STK11IP: variants seen among roughly 807,000 people sequenced by gnomAD.
The protein encoded by STK11IP is serine/threonine kinase 11 interacting protein.
STK11IP carries 103 observed loss-of-function variants against 131.7 expected under a neutral mutation model. The ratio of observed to expected loss-of-function variants is 0.78; its 90% CI spans 0.67 to 0.92. The LOEUF (loss-of-function observed/expected upper bound fraction) is 0.92. STK11IP is among the 40% of genes least tolerant of loss of function. STK11IP has a pLI of 0.00. For synonymous variants in STK11IP, 557 were observed against 575.6 expected (o/e 0.97, Z 0.46); for missense variants, 1,315 against 1,385.7 (o/e 0.95, Z 0.81).
chr2:219,597,907 C>G lies in STK11IP; in HGVS notation c.-43C>G, dbSNP rs974359247. ...CCGGGCAGCTGAGCTGGTAGGAGGA[C>G]CAGACGGGGAGGTTCGGTATGTCTG... On this transcript the variant is annotated 5_prime_UTR_variant, in exon 1 of 25. Transcript: ENST00000456909. 5.0e-6 allele frequency: 8 copies of G among 1,611,450 alleles called. No homozygotes were observed. The highest frequency in any genetic ancestry group is 1.3e-5 in the African/African-American group (1 of 74,822).
At chr2:219,602,411 C>A in intron 5 of STK11IP, 57 bp from the exon 6 acceptor site, 1 of 1,345,200 alleles carries the variant, frequency 7.4e-7, no homozygotes, top group Non-Finnish European at 1.1e-6. Flanking sequence ...AGAGCTTGGC[C>A]TTGGCATAGG....
chr2:219,611,266 A>G (rs1199647099), intron 17 of STK11IP, among the ~76,000 whole-genome samples: 1 of 152,102 alleles, frequency 6.6e-6, no homozygotes, highest in African/African-American at 2.4e-5. Context: ...TTGCTAGGAG[A>G]GCCCTGAAGT....
rs1457952408 is a variant in STK11IP, at chr2:219,598,093, G to C, written c.-26-1G>C. 1.9e-6 allele frequency: 3 copies of C among 1,582,080 alleles called. No individual in the cohort carries two copies. The highest frequency in any genetic ancestry group is 2.6e-6 in the Non-Finnish European group (3 of 1,165,362). On this transcript the variant is annotated splice_acceptor_variant, in intron 1 of 24. Transcript: ENST00000456909. LOFTEE classifies it low-confidence loss of function (5UTR_SPLICE). The stretch of plus-strand genomic sequence containing the variant: ...CTTCCGCTTCCTCTTTCCCCCCCCA[G>C]GCTCCGCCCCCCAGCGTCCCGTGGC...
At chr2:219,612,988 G>A in intron 19 of STK11IP, 140 bp from the exon 20 acceptor site, 3 of 637,700 alleles carry the variant, frequency 4.7e-6, no homozygotes, top group Non-Finnish European at 5.7e-6. Context: ...GCTGTCGAGT[G>A]TGAGGGAAGC....
In STK11IP at chr2:219,606,818, C is replaced by T; in HGVS notation, c.1094C>T (p.Ser365Leu). Residue 365 changes from serine (S) to leucine (L), a missense_variant, in exon 12 of 25, where the codon TCA becomes TTA. Coordinates refer to ENST00000456909, the MANE Select transcript of STK11IP (RefSeq NM_052902.4). ...GGPDLSDSLS[S>L]GGVVTQPLLH... ...CCTGACCTGAGTGACAGCCTCTCCT[C>T]AGGGGGTGTTGTGACCCAGCCCCTG... 5 of 1,613,632 alleles carry T rather than the reference C, an allele frequency of 3.1e-6. No individual in the cohort carries two copies. The highest frequency in any genetic ancestry group is 4.2e-6 in the Non-Finnish European group (5 of 1,179,758).
At chr2:219,608,985 A>G in intron 15 of STK11IP, 112 bp from the exon 16 acceptor site, 2 of 1,070,266 alleles carry the variant, frequency 1.9e-6, no homozygotes, top group Admixed American at 2.3e-5. Flanking sequence ...ACGTCAGTAC[A>G]GGCCTTTGAC....
chr2:219,598,308 C>A (rs1311051936), intron 2 of STK11IP, 128 bp downstream of exon 2: 7 of 674,970 alleles, frequency 1.0e-5, no homozygotes, highest in Middle Eastern at 3.6e-4. Context: ...AGTTCAATTT[C>A]TTTACTTTTC....
chr2:219,609,082 C>G lies in STK11IP; in HGVS notation c.1810-15C>G, dbSNP rs1195511534. On this transcript the variant is annotated splice_polypyrimidine_tract_variant and intron_variant, in intron 15 of 24. Transcript: ENST00000456909. ...CCCCTGCTGTTTTTCACCCGGTCCC[C>G]CTCTTGCTGCGCAGGGCTCAGATCT... 3.2e-6 allele frequency: 5 copies of G among 1,564,258 alleles called. No homozygotes were observed. The highest frequency in any genetic ancestry group is 3.3e-4 in the Middle Eastern group (2 of 6,006).
In STK11IP at chr2:219,597,933, A is replaced by G. The variant is rs371810538; in HGVS notation, c.-27+10A>G. 2.5e-4 allele frequency: 409 copies of G among 1,612,074 alleles called. 1 individual carries two copies. Among genetic ancestry groups the G allele is most frequent in the Non-Finnish European group, 3.2e-4 (380 of 1,179,192 alleles). ...CAGACGGGGAGGTTCGGTATGTCTGACCAGGACTTATGTTCCTCGAAAGGG... is the reference window on the plus strand; with the variant it reads ...CAGACGGGGAGGTTCGGTATGTCTGGCCAGGACTTATGTTCCTCGAAAGGG... On this transcript the variant is annotated intron_variant, in intron 1 of 24. Transcript: ENST00000456909.
intron 7 of STK11IP, 58 bp downstream of exon 7, chr2:219,602,834 ACTCT>A (rs1034359507): frequency 6.6e-7 from 1 of 1,520,244 alleles, no homozygotes; most frequent in South Asian, 1.2e-5. Context: ...CTCTGCTCTC[ACTCT>A]CTCTCCTTGA....
rs190347553 is a variant in STK11IP at position 219,599,982 on chromosome 2, C to T, written c.62-1253C>T. Among the ~76,000 whole-genome samples, 1,384 of 150,942 alleles carry T rather than the reference C, an allele frequency of 9.2e-3. 12 individuals are homozygous for T. Among genetic ancestry groups the T allele is most frequent in the Non-Finnish European group, 0.013 (884 of 67,808 alleles). On this transcript the variant is annotated intron_variant, in intron 2 of 24. Coordinates refer to ENST00000456909, the MANE Select transcript of STK11IP (RefSeq NM_052902.4). ...TTAACTCCGGACCTCGTGATCCACC[C>T]GCCTTGGCCTCCCAAAGTGCTGGGA...
chr2:219,604,986 C>T (rs193042849), intron 7 of STK11IP, among the ~76,000 whole-genome samples: 91 of 152,272 alleles, frequency 6.0e-4, no homozygotes, highest in African/African-American at 2.0e-3. Flanking sequence ...TGTGCCACCA[C>T]GCCCAGCTAA....
intron 17 of STK11IP, chr2:219,610,122 T>C (rs766869848): frequency 1.3e-5 from 2 of 156,092 alleles, no homozygotes; most frequent in Non-Finnish European, 2.8e-5. Flanking sequence ...ATATTCTTGA[T>C]AACAGCTCTG....
Position 219,606,458 on chromosome 2 carries a change from C to T in STK11IP, c.946-18C>T. On this transcript the variant is annotated intron_variant, in intron 10 of 24. Coordinates refer to ENST00000456909, the MANE Select transcript of STK11IP (RefSeq NM_052902.4). Reference sequence around the variant, plus strand: ...TGGGCCTACCACATACTCCCTCCCCCTTTTTGTCTTTGCTCAGTTCCTTCT... The same window carrying T: ...TGGGCCTACCACATACTCCCTCCCCTTTTTTGTCTTTGCTCAGTTCCTTCT... 2 of 1,609,210 alleles carry T rather than the reference C, an allele frequency of 1.2e-6. No individual in the cohort carries two copies. The highest frequency in any genetic ancestry group is 1.7e-6 in the Non-Finnish European group (2 of 1,177,432).
chr2:219,607,905 C>T (rs545508187), intron 13 of STK11IP, 142 bp from the exon 14 acceptor site: 13 of 1,099,728 alleles, frequency 1.2e-5, no homozygotes, highest in African/African-American at 7.9e-5. Context: ...GTACATGCCG[C>T]GGAGGGGACG....
intron 15 of STK11IP, 101 bp downstream of exon 15, chr2:219,608,889 C>CT: frequency 3.0e-6 from 4 of 1,315,320 alleles, no homozygotes; most frequent in Non-Finnish European, 4.1e-6. Context: ...CTCTCCTTGG[C>CT]ACTAGGAGCC....
chr2:219,601,081 C>G (rs1479360720), intron 2 of STK11IP, among the ~76,000 whole-genome samples, 154 bp from the exon 3 acceptor site: 1 of 152,196 alleles, frequency 6.6e-6, no homozygotes, highest in Non-Finnish European at 1.5e-5. Context: ...CCATTGAATG[C>G]TTTTGAGCTG....
intron 3 of STK11IP, 47 bp downstream of exon 3, chr2:219,601,487 A>G (rs1321376400): frequency 6.2e-7 from 1 of 1,600,212 alleles, no homozygotes; most frequent in Admixed American, 1.7e-5. Context: ...GCCCAAGAGA[A>G]TGATGGAAGT....
rs200687994 is a variant in STK11IP at position 219,602,723 on chromosome 2, C to T, written c.565C>T (p.Arg189Cys). 1.7e-4 allele frequency: 269 copies of T among 1,613,164 alleles called. No individual in the cohort carries two copies. The highest frequency in any genetic ancestry group is 1.5e-4 in the Non-Finnish European group (177 of 1,179,566). The change falls in exon 7 of 25, where the codon CGT becomes TGT. Residue 189 changes from arginine (R) to cysteine (C), a missense_variant. Arg to Cys is a radical substitution (Grantham distance 180). Coordinates refer to ENST00000456909, the MANE Select transcript of STK11IP (RefSeq NM_052902.4). ...CTCTCAGCGCCTCTTGTCAGCTCTG[C>T]GTTTCTTGAACCTAAGCCACAATCA... ...DSSLRLLSAL[R>C]FLNLSHNQVQ...
Sources: allele counts gnomAD v4.1 joint callset (sites outside exome capture counted in the v4.1 genomes callset), GRCh38; gene constraint gnomAD v4.1.1; transcripts MANE v1.5; gene names NCBI Gene and HGNC (gene_info 2026-07-23, HGNC 2026-07-21).